RAB37: variants seen among roughly 807,000 people sequenced by gnomAD.
The protein encoded by RAB37 is RAB37, member RAS oncogene family, also known as ras-related protein Rab-37.
RAB37 carries 29 observed loss-of-function variants against 33.1 expected under a neutral mutation model. The observed-to-expected ratio is 0.88, with a 90% CI of 0.65 to 1.20. RAB37 has a LOEUF of 1.20. RAB37 is among the 50% of genes most tolerant of loss of function. The probability of loss-of-function intolerance (pLI) is 0.00; values close to 1 mark genes in which losing one functional copy is unlikely to be tolerated. For synonymous variants in RAB37, 128 were observed against 119.5 expected (o/e 1.07, Z -0.47); for missense variants, 299 against 301.1 (o/e 0.99, Z 0.05).
At chr17:74,702,780 T>C (rs968356062) in intron 1 of RAB37, among the ~76,000 whole-genome samples, 9 of 152,182 alleles carry the variant, frequency 5.9e-5, no homozygotes, top group African/African-American at 1.9e-4. Context: ...TAGAAGTTAT[T>C]ATAACACAGT....
At position 74,745,936 on chromosome 17, in the gene RAB37, G is replaced by A. The variant is rs1397077012; in HGVS notation, c.*525G>A. On this transcript the variant is annotated 3_prime_UTR_variant, in exon 9 of 9. Coordinates refer to ENST00000392613, the MANE Select transcript of RAB37 (RefSeq NM_001006638.3). This position sits in a 1 kb window ranked among gnomAD's most constrained non-coding sequence, Gnocchi z 4.5. ...AAATAAGTGGGCCCTTGTGCTGTGA[G>A]GAAGACCAAAGCCTCAGGGAAGATA... 6.5e-6 allele frequency: 1 copy of A among 154,462 alleles called. No homozygotes were observed. The highest frequency in any genetic ancestry group is 1.4e-5 in the Non-Finnish European group (1 of 69,542). 9.6% of individuals were successfully genotyped at this position (154,462 alleles called of 1,614,324 possible). A position where few individuals can be genotyped will look rare whatever the true frequency, so the allele number is the denominator to read the frequency against.
At position 74,704,780 on chromosome 17, in the gene RAB37, G is replaced by A. The variant is rs201675456; in HGVS notation, c.73-24476G>A. 27 of 1,613,818 alleles carry A rather than the reference G, an allele frequency of 1.7e-5. No homozygotes were observed. In the African/African-American group the frequency reaches 3.5e-4, roughly 21 times the overall value. ...GGAGCCCCGCTCCAAGCCATTCACT[G>A]TTGTTGGACCGGTGATTTGAGTGAC... is the stretch of plus-strand genomic sequence containing the variant. On this transcript the variant is annotated intron_variant, in intron 1 of 7. Coordinates refer to the RAB37 transcript ENST00000340415.
In RAB37 at chr17:74,742,252, A is replaced by C. The variant is rs2034636822; in HGVS notation, c.205-2A>C. 3 of 1,613,152 alleles carry C rather than the reference A, an allele frequency of 1.9e-6. No homozygotes were observed. The South Asian group carries it at 3.3e-5, about 18-fold the overall frequency. ...CCCATCCTCTGCCTTTTTCTCTTTC[A>C]GAACAAGGTGGTGACTGTGGATGGC... On this transcript the variant is annotated splice_acceptor_variant, in intron 2 of 8. Transcript: ENST00000392613. LOFTEE classifies it high-confidence loss of function. This position sits in a 1 kb window ranked among gnomAD's most constrained non-coding sequence, Gnocchi z 4.0.
chr17:74,736,636 C>A, upstream of RAB37: 4 of 1,535,188 alleles, frequency 2.6e-6, no homozygotes, highest in South Asian at 4.8e-5. Flanking sequence ...GCACAACCAA[C>A]AGGCCGGGGG....
At chr17:74,689,849 GTT>G (rs11290777) in intron 1 of RAB37, among the ~76,000 whole-genome samples, 1 of 151,782 alleles carries the variant, frequency 6.6e-6, no homozygotes, top group South Asian at 2.1e-4. Context: ...CAACTCAGTA[GTT>G]TTTTTTTCTC....
intron 1 of RAB37, among the ~76,000 whole-genome samples, chr17:74,701,148 G>A (rs946790978): frequency 6.6e-6 from 1 of 152,114 alleles, no homozygotes; most frequent in Non-Finnish European, 1.5e-5. Context: ...ATTTTGTTAG[G>A]GGCAACCCAA....
At chr17:74,692,131 G>A (rs1049633653) in intron 1 of RAB37, among the ~76,000 whole-genome samples, 5 of 152,086 alleles carry the variant, frequency 3.3e-5, no homozygotes, top group Admixed American at 6.5e-5. Flanking sequence ...CTCCCAAAGT[G>A]CTGGGATTAC....
At chr17:74,712,979 G>T in intron 1 of RAB37, 1 of 1,094,250 alleles carries the variant, frequency 9.1e-7, no homozygotes, top group Non-Finnish European at 1.4e-6. Flanking sequence ...TCCTCCTTCA[G>T]TCACTTCCCA....
chr17:74,690,884 A>C (rs1177589408), intron 1 of RAB37, among the ~76,000 whole-genome samples: 1 of 152,148 alleles, frequency 6.6e-6, no homozygotes, highest in Non-Finnish European at 1.5e-5. Flanking sequence ...TTTTAGATAA[A>C]AACAGTATAT....
chr17:74,689,358 G>A (rs1004191728), intron 1 of RAB37, among the ~76,000 whole-genome samples: 9 of 152,036 alleles, frequency 5.9e-5, no homozygotes, highest in East Asian at 1.9e-4. Flanking sequence ...CAAGAGAATC[G>A]CTTGAAGTCG....
chr17:74,717,790 C>T (rs1206108924), intron 1 of RAB37, among the ~76,000 whole-genome samples: 1 of 134,086 alleles, frequency 7.5e-6, no homozygotes, highest in Non-Finnish European at 1.6e-5. Context: ...GCCTGGGCAG[C>T]AAGAGCGAAA....
intron 1 of RAB37, among the ~76,000 whole-genome samples, chr17:74,678,887 GATC>G (rs1201587789): frequency 6.6e-6 from 1 of 152,172 alleles, no homozygotes; most frequent in East Asian, 1.9e-4. Context: ...AAGGCAGGCA[GATC>G]ACCTGAGGTC....
In RAB37 at chr17:74,729,353, G is replaced by C. The variant is rs1451423817; in HGVS notation, c.170G>C (p.Gly57Ala). The C allele has an allele frequency of 1.9e-6, 3 of 1,613,618 alleles. No homozygotes were observed. The highest frequency in any genetic ancestry group is 1.3e-5 in the African/African-American group (1 of 75,004). Residue 57 changes from glycine (G) to alanine (A), a missense_variant, in exon 2 of 8, where the codon GGC becomes GCC. By Grantham distance (60) the Gly-to-Ala change is moderately conservative. Transcript: ENST00000340415. The surrounding 1 kb of genome is among the most constrained non-coding windows in gnomAD (Gnocchi z 4.2). ...CCCGGCTCCTTCTCGGCCACTGTGGGCATCGGATTCACGGTAAGCACTGGC... is the reference window on the plus strand; with the variant it reads ...CCCGGCTCCTTCTCGGCCACTGTGGCCATCGGATTCACGGTAAGCACTGGC...
chr17:74,704,902 A>C, intron 1 of RAB37: 1 of 1,044,074 alleles, frequency 9.6e-7, no homozygotes. Context: ...TCCCAAATCC[A>C]AGTTTCACAG....
chr17:74,679,174 A>G (rs1465704038), intron 1 of RAB37, among the ~76,000 whole-genome samples: 1 of 151,878 alleles, frequency 6.6e-6, no homozygotes, highest in Non-Finnish European at 1.5e-5. Flanking sequence ...GCCTGTTTGA[A>G]TTTTGCATTC....
intron 1 of RAB37, among the ~76,000 whole-genome samples, chr17:74,682,929 G>C (rs542910170): frequency 1.3e-5 from 2 of 152,302 alleles, no homozygotes; most frequent in Admixed American, 6.5e-5. Context: ...GAAGACAATG[G>C]TTTCCAGGGA....
Position 74,686,162 on chromosome 17 carries a change from G to A in RAB37, c.72+14504G>A, listed in dbSNP as rs72847200. Among the ~76,000 whole-genome samples the A allele has an allele frequency of 5.6e-3, 844 of 151,234 alleles. 1 individual carries two copies. Among genetic ancestry groups the A allele is most frequent in the Non-Finnish European group, 9.5e-3 (643 of 67,828 alleles). On this transcript the variant is annotated intron_variant, in intron 1 of 7. Transcript: ENST00000340415. ...GGCTGGAGTGCAGTAGTGCCATTTC[G>A]GCTTACCGTAACCTCTGCTTCCAGG...
rs769470151 is a variant in RAB37, at chr17:74,704,577, T to C, written c.73-24679T>C. On this transcript the variant is annotated intron_variant, in intron 1 of 7. Coordinates refer to the RAB37 transcript ENST00000340415. ...GCATCAGTTTTCATGAGATCCTCCATGGTCACAGTGAACGTGCGGTTTTTC... is the reference window on the plus strand; with the variant it reads ...GCATCAGTTTTCATGAGATCCTCCACGGTCACAGTGAACGTGCGGTTTTTC... 9.3e-6 allele frequency: 15 copies of C among 1,614,220 alleles called. No homozygotes were observed. The South Asian group carries it at 1.5e-4, about 17-fold the overall frequency.
chr17:74,744,737 G>A lies in RAB37; in HGVS notation c.433-136G>A. On this transcript the variant is annotated intron_variant, in intron 6 of 8. Transcript: ENST00000392613. The surrounding 1 kb of genome is among the most constrained non-coding windows in gnomAD (Gnocchi z 4.2). Reference sequence around the variant, plus strand: ...GGAGCTACACTGGGCAGAAACCCTGGCCCCAGGCCAATCACACCTGCCTGC... The same window carrying A: ...GGAGCTACACTGGGCAGAAACCCTGACCCCAGGCCAATCACACCTGCCTGC... 9.7e-7 allele frequency: 1 copy of A among 1,030,572 alleles called. No homozygotes were observed. Among genetic ancestry groups the A allele is most frequent in the Non-Finnish European group, 1.5e-6 (1 of 662,342 alleles). 63.8% of individuals were successfully genotyped at this position (1,030,572 alleles called of 1,614,324 possible). A position where few individuals can be genotyped will look rare whatever the true frequency, so the allele number is the denominator to read the frequency against.
Sources: allele counts gnomAD v4.1 joint callset (sites outside exome capture counted in the v4.1 genomes callset), GRCh38; gene constraint gnomAD v4.1.1; non-coding constraint Gnocchi (gnomAD v3.1); transcripts MANE v1.5; gene names NCBI Gene and HGNC (gene_info 2026-07-23, HGNC 2026-07-21).